Variants in PIK3R3 observed in about 807,000 individuals in gnomAD.
The protein encoded by PIK3R3 is phosphoinositide-3-kinase regulatory subunit 3.
A neutral mutation model predicts 62.9 loss-of-function variants in PIK3R3; 64 were observed. That is an observed-to-expected ratio of 1.02 (90% CI 0.83 to 1.25). PIK3R3 has a LOEUF of 1.25. PIK3R3 is among the 50% of genes most tolerant of loss of function. PIK3R3 has a pLI of 0.00. For synonymous variants in PIK3R3, 165 were observed against 189.0 expected, an observed-to-expected ratio of 0.87 and a Z score of 1.04; for missense variants, 614 against 561.6, an observed-to-expected ratio of 1.09 and a Z score of -0.94.
chr1:46,085,182 T>C (rs577783225), intron 1 of PIK3R3, among the ~76,000 whole-genome samples: 51 of 152,202 alleles, frequency 3.4e-4, no homozygotes, highest in Admixed American at 6.5e-4. Context: ...AGTTGCTACA[T>C]AAAGTTGCTA....
the PIK3R3 span, among the ~76,000 whole-genome samples, chr1:46,138,145 C>CT: frequency 5.9e-5 from 9 of 152,192 alleles, no homozygotes; most frequent in Non-Finnish European, 1.0e-4. Context: ...TCCAGCTCAG[C>CT]TTTTTTCTGA....
chr1:46,146,966 C>T, the PIK3R3 span, among the ~76,000 whole-genome samples: 1 of 152,246 alleles, frequency 6.6e-6, no homozygotes, highest in African/African-American at 2.4e-5. Flanking sequence ...CTATAGTAGC[C>T]TCTACTAGAA....
chr1:46,161,408 A>T, the PIK3R3 span, among the ~76,000 whole-genome samples: 1,034 of 152,132 alleles, frequency 6.8e-3, 8 homozygotes, highest in Non-Finnish European at 9.8e-3. Context: ...AAGGATTTTT[A>T]AAATGTTAAT....
chr1:46,129,094 A>T lies in PIK3R3; in HGVS notation c.106+2753T>A, dbSNP rs532035404. Among the ~76,000 whole-genome samples, 11 of 152,086 alleles carry T rather than the reference A, an allele frequency of 7.2e-5. No homozygotes were observed. In the South Asian group the frequency reaches 1.9e-3, roughly 26 times the overall value. Reference sequence around the variant, plus strand: ...TCAGGAAAAAAAAAAAAAGAAGAAGAAGTGCTAGAAGAGGGAGGCAAGAGG... The same window carrying T: ...TCAGGAAAAAAAAAAAAAGAAGAAGTAGTGCTAGAAGAGGGAGGCAAGAGG... On this transcript the variant is annotated intron_variant, in intron 1 of 9. Transcript: ENST00000262741.
chr1:46,067,042 AT>A lies in PIK3R3; in HGVS notation c.363del (p.Lys121AsnfsTer8). ...KLIKIYHRDG[K>X]YGFSDPLTFN... Reference sequence around the variant, plus strand: ...AATGTCAGAGGATCAGAAAAGCCATATTTACCATCCCGGTGATAGATCTTTA... The same window carrying A: ...AATGTCAGAGGATCAGAAAAGCCATATTACCATCCCGGTGATAGATCTTTA... On this transcript the variant is annotated frameshift_variant, in exon 4 of 10. Coordinates refer to ENST00000262741, the MANE Select transcript of PIK3R3 (RefSeq NM_003629.4). LOFTEE classifies it high-confidence loss of function. 6.2e-7 allele frequency: 1 copy of A among 1,602,380 alleles called. No individual in the cohort carries two copies. Among genetic ancestry groups the A allele is most frequent in the Non-Finnish European group, 8.5e-7 (1 of 1,175,212 alleles).
rs1417494823 is a variant in PIK3R3 at position 46,127,468 on chromosome 1, AT to A, written c.106+4378del. On this transcript the variant is annotated intron_variant, in intron 1 of 9. Transcript: ENST00000262741. Reference sequence around the variant, plus strand: ...ATTTAAAAAGGAAGTTATTTATTACATTTTCCTAAAATGAAAACAATAACAA... The same window carrying A: ...ATTTAAAAAGGAAGTTATTTATTACATTTCCTAAAATGAAAACAATAACAA... 2.6e-5 allele frequency among the ~76,000 whole-genome samples: 4 copies of A among 152,198 alleles called. No homozygotes were observed. The East Asian group carries it at 7.7e-4, about 29-fold the overall frequency.
intron 1 of PIK3R3, among the ~76,000 whole-genome samples, chr1:46,102,628 AAAAG>A (rs1652803544): frequency 1.3e-5 from 2 of 152,082 alleles, no homozygotes; most frequent in Admixed American, 1.3e-4. Flanking sequence ...ACTAAAAGAA[AAAAG>A]AAAGAAAAGA....
the PIK3R3 span, among the ~76,000 whole-genome samples, chr1:46,164,839 C>CA: frequency 6.6e-6 from 1 of 152,032 alleles, no homozygotes; most frequent in Non-Finnish European, 1.5e-5. Flanking sequence ...CCCACTCCCC[C>CA]ATCCCTTTTT....
chr1:46,074,525 A>G (rs1649887865), intron 3 of PIK3R3, among the ~76,000 whole-genome samples: 1 of 151,956 alleles, frequency 6.6e-6, no homozygotes, highest in African/African-American at 2.4e-5. Flanking sequence ...ACTCAAGTCT[A>G]GCTATAGGTC....
At chr1:46,065,919 T>C in intron 5 of PIK3R3, 135 bp downstream of exon 5, 3 of 727,848 alleles carry the variant, frequency 4.1e-6, no homozygotes, top group Non-Finnish European at 7.1e-6. Context: ...GGAATTTATA[T>C]CATTAAAGTT....
At chr1:46,173,247 G>A in the PIK3R3 span, among the ~76,000 whole-genome samples, 1 of 152,168 alleles carries the variant, frequency 6.6e-6, no homozygotes, top group Non-Finnish European at 1.5e-5. Context: ...GAGAGGCAGA[G>A]AACATCATCG....
At chr1:46,132,948 A>T (rs1655757724), upstream of PIK3R3, 2 of 1,147,824 alleles carry the variant, frequency 1.7e-6, no homozygotes, top group African/African-American at 3.3e-5. Flanking sequence ...GCACTCCAGG[A>T]GTCAGTGCCG....
intron 1 of PIK3R3, among the ~76,000 whole-genome samples, chr1:46,108,149 C>T (rs531128840): frequency 3.3e-4 from 50 of 152,298 alleles, no homozygotes; most frequent in African/African-American, 1.2e-3. Context: ...GTACAATATA[C>T]AGCACTTTTA....
intron 1 of PIK3R3, among the ~76,000 whole-genome samples, chr1:46,093,931 T>C (rs887116059): frequency 2.0e-5 from 3 of 148,732 alleles, no homozygotes; most frequent in African/African-American, 7.5e-5. Context: ...CAGCCGGGTA[T>C]GGTGGTGTGT....
chr1:46,164,204 C>A, the PIK3R3 span, among the ~76,000 whole-genome samples: 1 of 152,120 alleles, frequency 6.6e-6, no homozygotes, highest in Non-Finnish European at 1.5e-5. Flanking sequence ...AAGCCTCCTG[C>A]CAAATATGTT....
Position 46,131,987 on chromosome 1 carries a change from A to T in PIK3R3, c.-35T>A. On this transcript the variant is annotated 5_prime_UTR_variant, in exon 1 of 10. Transcript: ENST00000262741. ...AGGGGCAGGTCGCCAGGAGATATAT[A>T]GAAGGCATATATTTTTTATCTGGTA... is the stretch of plus-strand genomic sequence containing the variant. The T allele has an allele frequency of 6.2e-7, 1 of 1,602,120 alleles. No individual in the cohort carries two copies. Among genetic ancestry groups the T allele is most frequent in the Middle Eastern group, 1.7e-4 (1 of 5,994 alleles).
intron 3 of PIK3R3, among the ~76,000 whole-genome samples, chr1:46,076,281 C>T (rs973348495): frequency 1.3e-5 from 2 of 152,102 alleles, no homozygotes; most frequent in Admixed American, 1.3e-4. Context: ...AGGTCCCAAG[C>T]CCTGGAACAC....
At chr1:46,132,731 G>A, upstream of PIK3R3, 3 of 1,288,206 alleles carry the variant, frequency 2.3e-6, no homozygotes, top group Non-Finnish European at 3.0e-6. Context: ...CGCCGGGAGG[G>A]GGGACAGCAG....
chr1:46,143,434 G>T, the PIK3R3 span, among the ~76,000 whole-genome samples: 1 of 150,274 alleles, frequency 6.7e-6, no homozygotes, highest in Non-Finnish European at 1.5e-5. Flanking sequence ...GTATCCATTA[G>T]GTTTGAGTGT....
Sources: allele counts gnomAD v4.1 joint callset (sites outside exome capture counted in the v4.1 genomes callset), GRCh38; gene constraint gnomAD v4.1.1; transcripts MANE v1.5; gene names NCBI Gene and HGNC (gene_info 2026-07-23, HGNC 2026-07-21).